Variants in NRXN3 observed in about 807,000 individuals in gnomAD.
NRXN3 encodes neurexin III.
NRXN3 carries 32 observed loss-of-function variants against 137.6 expected under a neutral mutation model. The observed-to-expected ratio is 0.23, with a 90% CI of 0.18 to 0.31. The LOEUF (loss-of-function observed/expected upper bound fraction) is 0.31, where lower values mean the gene tolerates loss of function less well. NRXN3 is among the 10% of genes least tolerant of loss of function. The pLI is 1.00. For synonymous variants in NRXN3, 798 were observed against 784.5 expected, an observed-to-expected ratio of 1.02 and a Z score of -0.29; for missense variants, 1,574 against 2,062.5, an observed-to-expected ratio of 0.76 and a Z score of 4.59.
intron 4 of NRXN3, among the ~76,000 whole-genome samples, chr14:78,608,316 C>A (rs534120219): frequency 6.6e-6 from 1 of 152,220 alleles, no homozygotes; most frequent in South Asian, 2.1e-4. Context: ...TTCTGAAAAC[C>A]CTAACCTAGA....
At chr14:78,418,100 T>A (rs562023247) in intron 4 of NRXN3, among the ~76,000 whole-genome samples, 182 of 152,246 alleles carry the variant, frequency 1.2e-3, no homozygotes, top group African/African-American at 4.3e-3. Context: ...ATGTTCTCCA[T>A]GAAGGTGAAA....
At chr14:78,695,984 G>A (rs1166252519) in intron 6 of NRXN3, among the ~76,000 whole-genome samples, 2 of 151,982 alleles carry the variant, frequency 1.3e-5, no homozygotes, top group Non-Finnish European at 2.9e-5. Flanking sequence ...ATCTAAGGGG[G>A]ATATGGACCT....
At chr14:79,227,910 C>T (rs1212974904) in intron 15 of NRXN3, among the ~76,000 whole-genome samples, 1 of 149,290 alleles carries the variant, frequency 6.7e-6, no homozygotes, top group Non-Finnish European at 1.5e-5. Context: ...TAAGTCAGGC[C>T]CTGACCTCAC....
chr14:79,677,553 G>C (rs1245099556), intron 17 of NRXN3, among the ~76,000 whole-genome samples: 1 of 152,156 alleles, frequency 6.6e-6, no homozygotes, highest in Admixed American at 6.5e-5. Context: ...AAAAATAAAG[G>C]CAATATATTG....
chr14:79,741,451 A>ATGTGTGTG (rs113579838), intron 19 of NRXN3, among the ~76,000 whole-genome samples: 1 of 149,912 alleles, frequency 6.7e-6, no homozygotes, highest in Admixed American at 6.7e-5. Flanking sequence ...AAGTTGAAAT[A>ATGTGTGTG]TGTGTGTGTG....
At chr14:79,256,098 C>T (rs1465091498) in intron 15 of NRXN3, among the ~76,000 whole-genome samples, 1 of 152,008 alleles carries the variant, frequency 6.6e-6, no homozygotes, top group South Asian at 2.1e-4. Flanking sequence ...TCCCTCCTCT[C>T]TCTCTCTGTC....
At chr14:78,628,772 G>A (rs562758844) in intron 4 of NRXN3, among the ~76,000 whole-genome samples, 133 of 152,230 alleles carry the variant, frequency 8.7e-4, no homozygotes, top group African/African-American at 3.0e-3. Flanking sequence ...AGAACCCTCG[G>A]GAAAGAACCA....
rs56083130 is a variant in NRXN3 at position 78,523,816 on chromosome 14, CAAAAAAAAA to C, written c.758-121283_758-121275del. On this transcript the variant is annotated intron_variant, in intron 4 of 20. Coordinates refer to ENST00000335750, the MANE Select transcript of NRXN3 (RefSeq NM_001330195.2). Reference sequence around the variant, plus strand: ...TGGGTGACAGAGCAAGACTCTGTCTCAAAAAAAAAAAAAAAAAAAAAAAAAAAAAGAATA... The same window carrying C: ...TGGGTGACAGAGCAAGACTCTGTCTCAAAAAAAAAAAAAAAAAAAAGAATA... 5.7e-4 allele frequency among the ~76,000 whole-genome samples: 35 copies of C among 61,578 alleles called. 2 individuals are homozygous for C. Among genetic ancestry groups the C allele is most frequent in the South Asian group, 3.4e-3 (5 of 1,460 alleles). 40.4% of individuals were successfully genotyped at this position (61,578 alleles called of 152,430 possible).
intron 15 of NRXN3, among the ~76,000 whole-genome samples, chr14:79,239,587 G>C (rs1017806544): frequency 1.3e-5 from 2 of 152,112 alleles, no homozygotes; most frequent in Non-Finnish European, 2.9e-5. Context: ...TATGGAAAAT[G>C]TATGGAGATT....
intron 3 of NRXN3, 143 bp downstream of exon 3, chr14:78,278,805 CA>C: frequency 1.4e-6 from 1 of 697,218 alleles, no homozygotes; most frequent in East Asian, 2.8e-5. Flanking sequence ...AGAAGAAATG[CA>C]TTGAATTAAT....
intron 16 of NRXN3, among the ~76,000 whole-genome samples, chr14:79,585,197 T>A (rs1330339394): frequency 1.3e-5 from 2 of 152,242 alleles, no homozygotes; most frequent in African/African-American, 4.8e-5. Flanking sequence ...AGTGATTTTA[T>A]GCCCACAACA....
chr14:79,182,510 G>T (rs988798107), intron 15 of NRXN3, among the ~76,000 whole-genome samples: 4 of 151,950 alleles, frequency 2.6e-5, no homozygotes, highest in Non-Finnish European at 5.9e-5. Context: ...TAGGGTTCAC[G>T]CTTCTGTGAG....
chr14:78,966,005 C>T lies in NRXN3; in HGVS notation c.2396-20C>T, dbSNP rs765729883. On this transcript the variant is annotated intron_variant, in intron 11 of 20. Coordinates refer to ENST00000335750, the MANE Select transcript of NRXN3 (RefSeq NM_001330195.2). The stretch of plus-strand genomic sequence containing the variant: ...ATGATGGTAACTTTTCTGTTTGTAC[C>T]TCATTTACAATTTTCACAGGTACAA... 2 of 1,605,668 alleles carry T rather than the reference C, an allele frequency of 1.2e-6. No individual in the cohort carries two copies. Among genetic ancestry groups the T allele is most frequent in the East Asian group, 2.2e-5 (1 of 44,736 alleles).
intron 15 of NRXN3, among the ~76,000 whole-genome samples, chr14:79,014,978 T>C (rs2099576893): frequency 6.6e-6 from 1 of 152,074 alleles, no homozygotes; most frequent in South Asian, 2.1e-4. Flanking sequence ...TTCCCAGCCA[T>C]CCCTCTGTCA....
intron 14 of NRXN3, among the ~76,000 whole-genome samples, chr14:78,976,050 T>C (rs1446298532): frequency 2.0e-5 from 3 of 152,188 alleles, no homozygotes; most frequent in Admixed American, 2.0e-4. Flanking sequence ...AGTAACTTTC[T>C]AATTCCTTTT....
chr14:78,299,670 A>G, intron 4 of NRXN3, among the ~76,000 whole-genome samples: 1 of 152,196 alleles, frequency 6.6e-6, no homozygotes, highest in East Asian at 1.9e-4. Context: ...AGACACACTG[A>G]TGCAGCATGG....
At chr14:79,286,418 TTTAA>T (rs1282829947) in intron 15 of NRXN3, among the ~76,000 whole-genome samples, 1 of 151,950 alleles carries the variant, frequency 6.6e-6, no homozygotes, top group Admixed American at 6.6e-5. Flanking sequence ...TAGGCATCAG[TTTAA>T]TTATTTTTCT....
chr14:78,464,920 A>G (rs1304108792), intron 4 of NRXN3, among the ~76,000 whole-genome samples: 1 of 152,216 alleles, frequency 6.6e-6, no homozygotes, highest in Admixed American at 6.5e-5. Context: ...ATCAAGGTAT[A>G]TTAACATTCA....
At chr14:78,870,740 G>A (rs1244075360) in intron 10 of NRXN3, among the ~76,000 whole-genome samples, 3 of 151,626 alleles carry the variant, frequency 2.0e-5, no homozygotes, top group African/African-American at 7.3e-5. Context: ...ATCTCCATGA[G>A]TTCAATATTA....
Sources: allele counts gnomAD v4.1 joint callset (sites outside exome capture counted in the v4.1 genomes callset), GRCh38; gene constraint gnomAD v4.1.1; transcripts MANE v1.5; gene names NCBI Gene and HGNC (gene_info 2026-07-23, HGNC 2026-07-21).